Variants in PLAA observed in about 807,000 individuals in gnomAD.
PLAA encodes phospholipase A2 activating protein, also known as phospholipase A-2-activating protein.
A neutral mutation model predicts 84.1 loss-of-function variants in PLAA; 48 were observed. That is an observed-to-expected ratio of 0.57 (90% confidence interval 0.45 to 0.73). The LOEUF is 0.73. PLAA is among the 30% of genes least tolerant of loss of function. PLAA has a pLI of 0.00. For missense variants in PLAA, 903 were observed against 954.7 expected (o/e 0.95, Z 0.71); for synonymous variants, 392 against 336.6 (o/e 1.16, Z -1.80).
intron 1 of PLAA, among the ~76,000 whole-genome samples, chr9:26,935,603 T>G (rs1934697096): frequency 2.0e-5 from 3 of 152,170 alleles, no homozygotes; most frequent in African/African-American, 7.2e-5. Flanking sequence ...TAAGAAGACC[T>G]AAATATACTG....
intron 6 of PLAA, 22 bp from the exon 7 acceptor site, chr9:26,923,369 T>A (rs1356403838): frequency 1.9e-6 from 3 of 1,556,052 alleles, no homozygotes; most frequent in South Asian, 1.1e-5. Context: ...AATAAACTGA[T>A]TTTAGAAGTC....
intron 7 of PLAA, among the ~76,000 whole-genome samples, chr9:26,921,293 C>CCGAAGAATCA (rs1222983978): frequency 2.6e-5 from 4 of 152,224 alleles, no homozygotes; most frequent in African/African-American, 9.6e-5. Context: ...TATCCATCCT[C>CCGAAGAATCA]CGAAGAATCA....
chr9:26,934,992 C>T, intron 2 of PLAA, 21 bp downstream of exon 2: 3 of 1,490,694 alleles, frequency 2.0e-6, no homozygotes, highest in Admixed American at 2.4e-5. Flanking sequence ...TAGAAAAACA[C>T]CAAAGCATTA....
intron 11 of PLAA, 133 bp from the exon 12 acceptor site, chr9:26,910,572 A>G: frequency 2.1e-6 from 1 of 477,970 alleles, no homozygotes; most frequent in Non-Finnish European, 3.6e-6. Flanking sequence ...AAGGAACCTC[A>G]AGGGGAAAAA....
chr9:26,940,731 G>A (rs1277946298), intron 1 of PLAA, among the ~76,000 whole-genome samples: 1 of 152,134 alleles, frequency 6.6e-6, no homozygotes, highest in Non-Finnish European at 1.5e-5. Flanking sequence ...AGGACAAAGA[G>A]GCAGGAACTA....
intron 7 of PLAA, among the ~76,000 whole-genome samples, chr9:26,922,580 C>T (rs1273649529): frequency 6.6e-6 from 1 of 152,094 alleles, no homozygotes; most frequent in Non-Finnish European, 1.5e-5. Flanking sequence ...ACATCCAACC[C>T]AAGATTTCAT....
At chr9:26,916,410 T>A in intron 10 of PLAA, 1 of 987,046 alleles carries the variant, frequency 1.0e-6, no homozygotes, top group Non-Finnish European at 1.2e-6. Flanking sequence ...CTTTTTCCAG[T>A]AGTGTTGATG....
At chr9:26,939,835 G>C (rs945520055) in intron 1 of PLAA, among the ~76,000 whole-genome samples, 5 of 151,832 alleles carry the variant, frequency 3.3e-5, no homozygotes, top group African/African-American at 1.2e-4. Context: ...TAAAAAGTTC[G>C]GTACAGGAAG....
At chr9:26,934,663 A>G (rs973405185) in intron 2 of PLAA, among the ~76,000 whole-genome samples, 10 of 151,848 alleles carry the variant, frequency 6.6e-5, no homozygotes, top group African/African-American at 2.4e-4. Flanking sequence ...TATTTTTAGT[A>G]GAGGCGGGGT....
intron 11 of PLAA, among the ~76,000 whole-genome samples, chr9:26,910,797 A>G (rs1388817174): frequency 1.3e-5 from 2 of 152,094 alleles, no homozygotes; most frequent in Non-Finnish European, 2.9e-5. Flanking sequence ...TGCTGGGATT[A>G]CAGGTGTGAG....
intron 9 of PLAA, among the ~76,000 whole-genome samples, chr9:26,918,115 T>C (rs10812498): frequency 6.7e-6 from 1 of 149,432 alleles, no homozygotes; most frequent in Admixed American, 6.6e-5. Flanking sequence ...TTTTTTAAAA[T>C]TTTTTGATTT....
intron 10 of PLAA, chr9:26,915,695 A>C (rs961990254): frequency 3.0e-6 from 3 of 984,442 alleles, no homozygotes; most frequent in Non-Finnish European, 3.6e-6. Context: ...TCTCTTGGAC[A>C]TTGTGTATGC....
At chr9:26,943,407 T>C (rs1024267279) in intron 1 of PLAA, among the ~76,000 whole-genome samples, 4 of 152,170 alleles carry the variant, frequency 2.6e-5, no homozygotes, top group Non-Finnish European at 5.9e-5. Context: ...TTTACTACCC[T>C]GATCTAGAAC....
rs77524375 is a variant in PLAA, at chr9:26,913,311, A to G, written c.1555+568T>C. Among the ~76,000 whole-genome samples, 36 of 152,310 alleles carry G rather than the reference A, an allele frequency of 2.4e-4. No individual in the cohort carries two copies. The East Asian group carries it at 6.8e-3, about 29-fold the overall frequency. ...ACATGCCAGCACATATTCAATGAAC[A>G]AGTGAGGTATGTCAGACTGTAGACT... On this transcript the variant is annotated intron_variant, in intron 11 of 13. Transcript: ENST00000397292.
chr9:26,924,696 T>C (rs1247679078), intron 6 of PLAA, among the ~76,000 whole-genome samples: 1 of 152,206 alleles, frequency 6.6e-6, no homozygotes, highest in African/African-American at 2.4e-5. Context: ...CTCCCAGAAA[T>C]TTCAACATTT....
Position 26,947,115 on chromosome 9 carries a change from G to C in PLAA, c.-70C>G, listed in dbSNP as rs1324531224. 10 of 1,398,686 alleles carry C rather than the reference G, an allele frequency of 7.1e-6. No individual in the cohort carries two copies. The highest frequency in any genetic ancestry group is 7.5e-6 in the Non-Finnish European group (8 of 1,073,724). 86.6% of individuals were successfully genotyped at this position (1,398,686 alleles called of 1,614,324 possible). A position where few individuals can be genotyped will look rare whatever the true frequency, so the allele number is the denominator to read the frequency against. ...CCAGTCCGCAGGGGCGACTCGGAGA[G>C]CGCCGGGCCGCGGCGGGAGAAGAGC... On this transcript the variant is annotated 5_prime_UTR_variant, in exon 1 of 14. Coordinates refer to ENST00000397292, the MANE Select transcript of PLAA (RefSeq NM_001031689.3).
At chr9:26,920,737 C>A (rs1004365117) in intron 7 of PLAA, among the ~76,000 whole-genome samples, 6 of 152,182 alleles carry the variant, frequency 3.9e-5, no homozygotes, top group African/African-American at 1.2e-4. Context: ...AAGCCTGATA[C>A]CTTTCTCTCA....
At chr9:26,919,203 A>T in intron 9 of PLAA, 107 bp downstream of exon 9, 2 of 614,126 alleles carry the variant, frequency 3.3e-6, no homozygotes, top group Non-Finnish European at 5.7e-6. Context: ...CCTGCTGTAG[A>T]TATTGGTATT....
chr9:26,919,571 G>C, intron 8 of PLAA, 42 bp from the exon 9 acceptor site: 2 of 1,018,086 alleles, frequency 2.0e-6, no homozygotes, highest in Non-Finnish European at 3.1e-6. Context: ...CTTATTATCT[G>C]TTCACATATA....
Sources: allele counts gnomAD v4.1 joint callset (sites outside exome capture counted in the v4.1 genomes callset), GRCh38; gene constraint gnomAD v4.1.1; transcripts MANE v1.5; gene names NCBI Gene and HGNC (gene_info 2026-07-23, HGNC 2026-07-21).